CUX1: variants seen among roughly 807,000 people sequenced by gnomAD.
CUX1 encodes cut like homeobox 1.
In CUX1, 31 loss-of-function variants were observed where a neutral mutation model predicts 158.8. That is an observed-to-expected ratio of 0.20 (90% CI 0.15 to 0.26). The LOEUF (loss-of-function observed/expected upper bound fraction) is 0.26, where lower values mean the gene tolerates loss of function less well. CUX1 is among the 10% of genes least tolerant of loss of function. The probability of loss-of-function intolerance (pLI) is 1.00; values close to 1 mark genes in which losing one functional copy is unlikely to be tolerated. For missense variants in CUX1, 1,589 were observed against 2,014.6 expected (o/e 0.79, Z 4.04); for synonymous variants, 879 against 862.1 (o/e 1.02, Z -0.34).
At chr7:102,057,696 A>G (rs1387475626) in intron 3 of CUX1, among the ~76,000 whole-genome samples, 1 of 152,182 alleles carries the variant, frequency 6.6e-6, no homozygotes, top group African/African-American at 2.4e-5. Flanking sequence ...TCAAACTTGA[A>G]TGGATGAGGG....
intron 8 of CUX1, among the ~76,000 whole-genome samples, chr7:102,140,864 CAA>C (rs61268006): frequency 1.3e-4 from 14 of 105,118 alleles, no homozygotes; most frequent in Admixed American, 2.0e-4. Context: ...GACTTCGTCT[CAA>C]AAAAAAAAAA....
chr7:101,817,668 A>G lies in CUX1; in HGVS notation c.29A>G (p.Lys10Arg), dbSNP rs1394140833. 2.6e-6 allele frequency: 4 copies of G among 1,551,896 alleles called. No homozygotes were observed. In the African/African-American group the frequency reaches 5.5e-5, roughly 21 times the overall value. Residue 10 changes from lysine to arginine, a missense_variant and splice_region_variant, in exon 1 of 24, where the codon AAG (lysine) becomes AGG (arginine). Transcript: ENST00000292535. The surrounding 1 kb of genome is among the most constrained non-coding windows in gnomAD (Gnocchi z 4.1). The stretch of plus-strand genomic sequence containing the variant: ...TTGTGCGTAGCCGGAGCCAGGTTGA[A>G]GGTGAGCGGCGTGTGGGCCAGAAGT... The part of the protein sequence containing the change: MLCVAGARL[K>R]RELDATATVL...
chr7:102,236,983 C>A (rs1159726688), intron 22 of CUX1, among the ~76,000 whole-genome samples: 2 of 152,130 alleles, frequency 1.3e-5, no homozygotes, highest in Non-Finnish European at 2.9e-5. Flanking sequence ...CCTGGGGGTG[C>A]CGGCCACAAA....
At chr7:101,829,553 C>G (rs1793751177) in intron 1 of CUX1, among the ~76,000 whole-genome samples, 1 of 152,038 alleles carries the variant, frequency 6.6e-6, no homozygotes, top group South Asian at 2.1e-4. Context: ...GCGCTGTTCC[C>G]TAGACAACCC....
At chr7:101,860,391 A>G (rs1292070220) in intron 1 of CUX1, among the ~76,000 whole-genome samples, 3 of 152,226 alleles carry the variant, frequency 2.0e-5, no homozygotes, top group Non-Finnish European at 2.9e-5. Context: ...ATGTATCTCT[A>G]AAAGATAATG....
chr7:101,880,381 G>A (rs192311384), intron 1 of CUX1, among the ~76,000 whole-genome samples: 2 of 152,214 alleles, frequency 1.3e-5, no homozygotes, highest in African/African-American at 4.8e-5. Context: ...GAGTGTTGGG[G>A]GCTTTTCTCC....
chr7:102,087,245 A>G (rs1457158905), intron 4 of CUX1, among the ~76,000 whole-genome samples: 1 of 151,966 alleles, frequency 6.6e-6, no homozygotes, highest in Non-Finnish European at 1.5e-5. Context: ...CTCCCCAATT[A>G]TCTTATTAGC....
At chr7:101,951,749 C>T (rs1057271882) in intron 2 of CUX1, among the ~76,000 whole-genome samples, 3 of 152,174 alleles carry the variant, frequency 2.0e-5, no homozygotes, top group Admixed American at 6.5e-5. Context: ...CCTTGTGATC[C>T]GCCCGCATCG....
intron 2 of CUX1, among the ~76,000 whole-genome samples, chr7:101,924,016 C>T (rs1006424861): frequency 1.3e-5 from 2 of 152,208 alleles, no homozygotes; most frequent in Admixed American, 1.3e-4. Flanking sequence ...CTTTTACCAT[C>T]GTTGAAATTG....
At chr7:102,210,360 G>C (rs1554522806) in intron 20 of CUX1, among the ~76,000 whole-genome samples, 1 of 152,206 alleles carries the variant, frequency 6.6e-6, no homozygotes, top group African/African-American at 2.4e-5. Flanking sequence ...GCCTCCCAAA[G>C]TGCTAGGATT....
intron 1 of CUX1, among the ~76,000 whole-genome samples, chr7:101,857,856 C>T (rs1797040799): frequency 6.6e-6 from 1 of 152,116 alleles, no homozygotes; most frequent in Non-Finnish European, 1.5e-5. Flanking sequence ...GGGGTGGTGG[C>T]TCACGCCTGT....
rs779283925 is a variant in CUX1, at chr7:101,865,967, G to T, written c.30+48298G>T. Among the ~76,000 whole-genome samples the T allele has an allele frequency of 5.3e-5, 8 of 152,106 alleles. No individual in the cohort carries two copies. The South Asian group carries it at 1.5e-3, about 28-fold the overall frequency. On this transcript the variant is annotated intron_variant, in intron 1 of 23. Transcript: ENST00000292535. ...TTGGAATGCTTGTTTTACAGCCTCC[G>T]GTCAAAAAAAATCATATGGGACCCT...
At chr7:101,928,158 G>A (rs1410725129) in intron 2 of CUX1, among the ~76,000 whole-genome samples, 1 of 152,106 alleles carries the variant, frequency 6.6e-6, no homozygotes, top group Non-Finnish European at 1.5e-5. Flanking sequence ...TCAAAAACAT[G>A]CTGCGTTCTA....
At chr7:102,282,984 C>T in intron 22 of CUX1, 1 of 1,562,780 alleles carries the variant, frequency 6.4e-7, no homozygotes, top group Non-Finnish European at 8.8e-7. Context: ...CCCCAACACA[C>T]ACACTCGGCC....
intron 9 of CUX1, among the ~76,000 whole-genome samples, chr7:102,163,497 G>A (rs1162876696): frequency 6.6e-6 from 1 of 152,112 alleles, no homozygotes; most frequent in East Asian, 1.9e-4. Flanking sequence ...GCCTGTGGGA[G>A]GGTCTGAGTA....
intron 3 of CUX1, among the ~76,000 whole-genome samples, chr7:102,029,349 G>A (rs1653091813): frequency 6.6e-6 from 1 of 152,016 alleles, no homozygotes; most frequent in Non-Finnish European, 1.5e-5. Context: ...GGAAGGGACA[G>A]GAGAGATATG....
chr7:102,150,497 G>A (rs1554503276), intron 8 of CUX1, among the ~76,000 whole-genome samples: 1 of 152,212 alleles, frequency 6.6e-6, no homozygotes, highest in Non-Finnish European at 1.5e-5. Context: ...AGATACACTA[G>A]TCTTTGAAGG....
chr7:102,160,992 G>A (rs993725497), intron 9 of CUX1: 2 of 152,124 alleles, frequency 1.3e-5, no homozygotes, highest in African/African-American at 2.4e-5. Flanking sequence ...GAAAGGAAGG[G>A]AATTTAGCTA....
chr7:101,972,579 T>C (rs1376713046), intron 2 of CUX1, among the ~76,000 whole-genome samples: 1 of 152,150 alleles, frequency 6.6e-6, no homozygotes, highest in African/African-American at 2.4e-5. Context: ...CATCTGCCCT[T>C]TGCTCCTCCT....
Sources: allele counts gnomAD v4.1 joint callset (sites outside exome capture counted in the v4.1 genomes callset), GRCh38; gene constraint gnomAD v4.1.1; non-coding constraint Gnocchi (gnomAD v3.1); transcripts MANE v1.5; gene names NCBI Gene and HGNC (gene_info 2026-07-23, HGNC 2026-07-21).